The following PPP1R7 variants were observed in gnomAD, a reference collection of about 807,000 sequenced individuals.
PPP1R7 encodes the protein protein phosphatase 1 regulatory subunit 22.
Under a neutral mutation model 45.2 loss-of-function variants are expected in PPP1R7, and 18 were observed. The observed-to-expected ratio is 0.40, with a 90% CI of 0.28 to 0.59. The LOEUF is 0.59. Among genes scored for constraint, PPP1R7 ranks in the 20% least tolerant of loss-of-function variants. The pLI is 0.46. For synonymous variants in PPP1R7, 181 were observed against 183.4 expected, an observed-to-expected ratio of 0.99 and a Z score of 0.11; for missense variants, 314 against 455.8, an observed-to-expected ratio of 0.69 and a Z score of 2.83.
chr2:241,172,445 G>C (rs1224615570), intron 9 of PPP1R7, among the ~76,000 whole-genome samples: 1 of 152,098 alleles, frequency 6.6e-6, no homozygotes, highest in Non-Finnish European at 1.5e-5. Context: ...AGGAGTTTGA[G>C]ACCAGCCTGG....
intron 9 of PPP1R7, among the ~76,000 whole-genome samples, chr2:241,171,633 T>C (rs1400678455): frequency 2.6e-5 from 4 of 152,256 alleles, no homozygotes; most frequent in African/African-American, 9.6e-5. Flanking sequence ...GAGGAGAATG[T>C]TGAAACCTTC....
In PPP1R7 at chr2:241,174,128, T is replaced by C. The variant is rs146374025; in HGVS notation, c.906+4261T>C. Among the ~76,000 whole-genome samples, 686 of 152,344 alleles carry C rather than the reference T, an allele frequency of 4.5e-3. 5 individuals carry two copies. Among genetic ancestry groups the C allele is most frequent in the African/African-American group, 0.015 (644 of 41,570 alleles). On this transcript the variant is annotated intron_variant, in intron 9 of 9. Transcript: ENST00000234038. ...GTTACAGCTTGATCCTTTTGAGGCT[T>C]GTTTTTAAGCTTTATTAGAGTACAT... is the stretch of plus-strand genomic sequence containing the variant.
intron 1 of PPP1R7, chr2:241,151,489 G>A (rs546339107): frequency 8.1e-5 from 38 of 471,252 alleles, no homozygotes; most frequent in South Asian, 5.9e-4. Context: ...AGGCAACGAG[G>A]TTGGGGATAG....
chr2:241,173,421 A>G (rs2067853518), intron 9 of PPP1R7, among the ~76,000 whole-genome samples: 1 of 151,972 alleles, frequency 6.6e-6, no homozygotes. Flanking sequence ...GGTTTGCATT[A>G]TTTCTAATAA....
rs1448955009 is a variant in PPP1R7, at chr2:241,150,566, C to T, written c.52+19C>T. 1.9e-6 allele frequency: 3 copies of T among 1,583,848 alleles called. No individual in the cohort carries two copies. Among genetic ancestry groups the T allele is most frequent in the South Asian group, 1.1e-5 (1 of 87,450 alleles). ...ATGGAGGGTGAGCGGCCCCTGCGGG[C>T]GGCGGCCCAAGGGCCCAGCGGGCGG... On this transcript the variant is annotated intron_variant, in intron 1 of 9. Transcript: ENST00000234038.
At chr2:241,163,502 A>G in intron 7 of PPP1R7, 101 bp downstream of exon 7, 2 of 763,174 alleles carry the variant, frequency 2.6e-6, no homozygotes, top group Non-Finnish European at 4.5e-6. Flanking sequence ...CACAATTGGC[A>G]CTTCGTTGCA....
chr2:241,162,745 C>T (rs377499448), intron 6 of PPP1R7, among the ~76,000 whole-genome samples: 54 of 150,532 alleles, frequency 3.6e-4, no homozygotes, highest in African/African-American at 1.3e-3. Context: ...TGCAGTGGCA[C>T]AATCTCGGCT....
chr2:241,157,138 C>T (rs1266399137), intron 2 of PPP1R7, among the ~76,000 whole-genome samples: 1 of 152,222 alleles, frequency 6.6e-6, no homozygotes, highest in Non-Finnish European at 1.5e-5. Flanking sequence ...AGAGAGTCCT[C>T]GTGAAATCCA....
chr2:241,163,334 G>A lies in PPP1R7; in HGVS notation c.647G>A (p.Gly216Glu). The stretch of plus-strand genomic sequence containing the variant: ...ACCAACCTGGAGAGTTTGTTTTTGG[G>A]GAAAAACAAAATTACTAAACTTCAG... ...TLTNLESLFLGKNKITKLQNL... is the reference protein window; with the variant it reads ...TLTNLESLFLEKNKITKLQNL... Residue 216 changes from glycine to glutamate, a missense_variant, in exon 7 of 10, where the codon GGG (glycine) becomes GAG (glutamate). Transcript: ENST00000234038. 6.2e-7 allele frequency: 1 copy of A among 1,613,890 alleles called. No individual in the cohort carries two copies. Among genetic ancestry groups the A allele is most frequent in the Non-Finnish European group, 8.5e-7 (1 of 1,179,898 alleles).
Position 241,159,174 on chromosome 2 carries a change from C to G in PPP1R7, c.304-39C>G, listed in dbSNP as rs555409729. 42 of 1,608,360 alleles carry G rather than the reference C, an allele frequency of 2.6e-5. No individual in the cohort carries two copies. The South Asian group carries it at 4.3e-4, about 17-fold the overall frequency. On this transcript the variant is annotated intron_variant, in intron 4 of 9. Coordinates refer to ENST00000234038, the MANE Select transcript of PPP1R7 (RefSeq NM_002712.3). ...CAGCTGAGGCCTTCTCGTGGCCTCC[C>G]CCTTGCCTGTGTCAATTGTCCCTTT...
intron 8 of PPP1R7, among the ~76,000 whole-genome samples, chr2:241,169,166 G>A (rs888475122): frequency 3.3e-5 from 5 of 152,188 alleles, no homozygotes; most frequent in African/African-American, 1.2e-4. Flanking sequence ...TGCTCAGCAG[G>A]CCCAGCACCC....
chr2:241,164,767 G>T (rs1182544060), intron 7 of PPP1R7, among the ~76,000 whole-genome samples: 1 of 152,146 alleles, frequency 6.6e-6, no homozygotes, highest in Non-Finnish European at 1.5e-5. Flanking sequence ...AAGCTCTTAG[G>T]CCAGGCGTGG....
rs34326030 is a variant in PPP1R7 at position 241,161,376 on chromosome 2, C to CT, written c.597+884dup. 1.9e-3 allele frequency among the ~76,000 whole-genome samples: 251 copies of CT among 134,136 alleles called. 1 individual carries two copies. The highest frequency in any genetic ancestry group is 3.0e-3 in the Non-Finnish European group (185 of 61,694). 88.0% of individuals were successfully genotyped at this position (134,136 alleles called of 152,430 possible). A position where few individuals can be genotyped will look rare whatever the true frequency, so the allele number is the denominator to read the frequency against. ...TACATACCGGGGCTTTAGAAAGCCT[C>CT]TTGATCATGGTCATCTTCTCTGGCA... On this transcript the variant is annotated intron_variant, in intron 6 of 9. Transcript: ENST00000234038.
chr2:241,174,450 A>G (rs1164914869), intron 9 of PPP1R7, among the ~76,000 whole-genome samples: 2 of 151,986 alleles, frequency 1.3e-5, no homozygotes, highest in Admixed American at 1.3e-4. Flanking sequence ...ACTCCTATCT[A>G]TACATTCCAG....
In PPP1R7 at chr2:241,183,501, G is replaced by A. The variant is rs1292904550; in HGVS notation, c.*678G>A. 2 of 467,370 alleles carry A rather than the reference G, an allele frequency of 4.3e-6. No homozygotes were observed. Among genetic ancestry groups the A allele is most frequent in the Non-Finnish European group, 8.8e-6 (2 of 226,048 alleles). 29.0% of individuals were successfully genotyped at this position (467,370 alleles called of 1,614,324 possible). A position where few individuals can be genotyped will look rare whatever the true frequency, so the allele number is the denominator to read the frequency against. On this transcript the variant is annotated 3_prime_UTR_variant, in exon 10 of 10. Transcript: ENST00000234038. ...GGGGAGGGTGTCCTGTGTCCCACAC[G>A]GTGCTGTGCTGCTGCCAGAATACGA... is the stretch of plus-strand genomic sequence containing the variant.
chr2:241,161,847 G>A (rs1249857757), intron 6 of PPP1R7, among the ~76,000 whole-genome samples: 1 of 152,230 alleles, frequency 6.6e-6, no homozygotes, highest in African/African-American at 2.4e-5. Flanking sequence ...TGAGCCCCGT[G>A]CCTGGCTCCT....
At chr2:241,149,641 G>A (rs1169631827), upstream of PPP1R7, 3 of 1,540,166 alleles carry the variant, frequency 1.9e-6, no homozygotes, top group South Asian at 3.6e-5. Flanking sequence ...AGGAGCCAAA[G>A]GAATAATGGG....
At chr2:241,173,730 T>C (rs2067858776) in intron 9 of PPP1R7, among the ~76,000 whole-genome samples, 1 of 152,242 alleles carries the variant, frequency 6.6e-6, no homozygotes, top group African/African-American at 2.4e-5. Flanking sequence ...CCTGAGGCCA[T>C]TGCCTCCACC....
rs755178987 is a variant in PPP1R7, at chr2:241,160,391, G to A, written c.494G>A (p.Arg165Gln). Reference sequence around the variant, plus strand: ...ATCGAAGGGGTTGACAAGTTGACACGACTGAAAAAACTCTTCTTGGTCAAC... The same window carrying A: ...ATCGAAGGGGTTGACAAGTTGACACAACTGAAAAAACTCTTCTTGGTCAAC... ...RNIEGVDKLT[R>Q]LKKLFLVNNK... is the part of the protein sequence containing the mutation. The change falls in exon 6 of 10, where the codon CGA becomes CAA. Residue 165 changes from arginine to glutamine, a missense_variant. Around this residue, in one of 3 missense-constraint regions of PPP1R7, gnomAD observed 168 missense variants for 285.3 expected, o/e 0.59. Coordinates refer to ENST00000234038, the MANE Select transcript of PPP1R7 (RefSeq NM_002712.3). 3.4e-5 allele frequency: 55 copies of A among 1,612,504 alleles called. No individual in the cohort carries two copies. The highest frequency in any genetic ancestry group is 5.3e-5 in the African/African-American group (4 of 74,790).
Sources: allele counts gnomAD v4.1 joint callset (sites outside exome capture counted in the v4.1 genomes callset), GRCh38; gene constraint gnomAD v4.1.1; regional missense constraint gnomAD v4.1.1; transcripts MANE v1.5; gene names NCBI Gene and HGNC (gene_info 2026-07-23, HGNC 2026-07-21).